CDKL5: variants seen among roughly 807,000 people sequenced by gnomAD.
The protein encoded by CDKL5 is cyclin dependent kinase like 5.
CDKL5 carries 8 observed loss-of-function variants against 61.7 expected under a neutral mutation model. That is an observed-to-expected ratio of 0.13 (90% CI 0.08 to 0.23). The LOEUF is 0.23. Ranked by LOEUF, CDKL5 falls within the 10% of genes least tolerant of loss-of-function variation. The probability of loss-of-function intolerance (pLI) is 1.00; values close to 1 mark genes in which losing one functional copy is unlikely to be tolerated. For missense variants in CDKL5, 440 were observed against 734.5 expected (o/e 0.60, Z 4.63); for synonymous variants, 275 against 272.3 (o/e 1.01, Z -0.10).
rs1569198514 is a variant in CDKL5, at chrX:18,509,240, CACACA to C, written c.65-1579_65-1575del. Among the ~76,000 whole-genome samples the C allele has an allele frequency of 6.7e-4, 72 of 107,546 alleles. No homozygotes were observed. The East Asian group carries it at 9.8e-3, about 15-fold the overall frequency. The allele number at this position is 107,546 out of a possible 115,157, so 93.4% of individuals were successfully genotyped here. On this transcript the variant is annotated intron_variant, in intron 2 of 17. Coordinates refer to ENST00000623535, the MANE Select transcript of CDKL5 (RefSeq NM_001323289.2). Reference sequence around the variant, plus strand: ...ACACACACACACACACACACACACACACACACCCCTGTCAAGCAAACTCTGCATTC... The same window carrying C: ...ACACACACACACACACACACACACACCCCCTGTCAAGCAAACTCTGCATTC...
At chrX:18,548,535 C>T (rs943740533) in intron 3 of CDKL5, among the ~76,000 whole-genome samples, 2 of 112,354 alleles carry the variant, frequency 1.8e-5, no homozygotes, top group African/African-American at 6.5e-5. Context: ...TTTCACTTTT[C>T]TCTGTAGATA....
chrX:18,556,456 A>G (rs1054231975), intron 3 of CDKL5, among the ~76,000 whole-genome samples: 18 of 111,185 alleles, frequency 1.6e-4, no homozygotes, highest in African/African-American at 5.6e-4. Flanking sequence ...CAGCTCTGCT[A>G]CATCTTAGCT....
intron 3 of CDKL5, among the ~76,000 whole-genome samples, chrX:18,526,953 T>C (rs985306680): frequency 1.8e-5 from 2 of 110,559 alleles, no homozygotes; most frequent in Admixed American, 1.9e-4. Context: ...CTGGCTAATT[T>C]TGTATTTTTA....
intron 1 of CDKL5, among the ~76,000 whole-genome samples, chrX:18,471,220 T>A (rs1006472083): frequency 9.0e-6 from 1 of 111,105 alleles, no homozygotes; most frequent in Non-Finnish European, 1.9e-5. Flanking sequence ...GGTATATATA[T>A]TTATGGGGTA....
intron 1 of CDKL5, among the ~76,000 whole-genome samples, chrX:18,499,664 C>T (rs1218595466): frequency 5.4e-5 from 6 of 111,990 alleles, no homozygotes; most frequent in Non-Finnish European, 1.1e-4. Context: ...CCACTGCACC[C>T]GGCCAGTCTG....
intron 3 of CDKL5, among the ~76,000 whole-genome samples, chrX:18,543,766 G>A (rs1301039219): frequency 9.0e-6 from 1 of 111,514 alleles, no homozygotes; most frequent in Non-Finnish European, 1.9e-5. Context: ...TCAAAGACCT[G>A]TGGAATCAAT....
chrX:18,486,739 C>G (rs1921806684), intron 1 of CDKL5, among the ~76,000 whole-genome samples: 1 of 111,572 alleles, frequency 9.0e-6, no homozygotes, highest in Non-Finnish European at 1.9e-5. Flanking sequence ...ATGATTGGTT[C>G]CCTTCAATCA....
At chrX:18,459,117 A>C (rs1460076651) in intron 1 of CDKL5, among the ~76,000 whole-genome samples, 4 of 112,760 alleles carry the variant, frequency 3.5e-5, no homozygotes, top group African/African-American at 1.3e-4. Flanking sequence ...ATACATGTGC[A>C]TAACAGGAAA....
chrX:18,606,174 T>TCTCA (rs1460888732), intron 12 of CDKL5, among the ~76,000 whole-genome samples: 4 of 96,873 alleles, frequency 4.1e-5, no homozygotes, highest in Admixed American at 1.1e-4. Context: ...AGCAAGACTG[T>TCTCA]CACACACACA....
intron 3 of CDKL5, among the ~76,000 whole-genome samples, chrX:18,532,015 T>G (rs947767953): frequency 8.9e-6 from 1 of 112,402 alleles, no homozygotes; most frequent in African/African-American, 3.2e-5. Flanking sequence ...CAGGGTTTTT[T>G]CTTAATGTAA....
chrX:18,425,653 A>G lies in CDKL5; in HGVS notation c.-205A>G, dbSNP rs1322554277. The G allele has an allele frequency of 8.9e-6, 1 of 112,422 alleles. No individual in the cohort carries two copies. Among genetic ancestry groups the G allele is most frequent in the African/African-American group, 3.2e-5 (1 of 30,962 alleles). The allele number at this position is 112,422 out of a possible 1,213,427, so 9.3% of individuals were successfully genotyped here. On this transcript the variant is annotated 5_prime_UTR_variant, in exon 1 of 18. Coordinates refer to ENST00000623535, the MANE Select transcript of CDKL5 (RefSeq NM_001323289.2). ...AAGGTAAAGCGGCGACGGCGTCCTC[A>G]GGAGCTGTGGGGTCCCCTGCTAGAA...
At chrX:18,558,520 A>G (rs937736179) in intron 3 of CDKL5, among the ~76,000 whole-genome samples, 1 of 111,846 alleles carries the variant, frequency 8.9e-6, no homozygotes, top group Admixed American at 9.5e-5. Flanking sequence ...TTAAATACCC[A>G]TGAAGTTCTG....
intron 3 of CDKL5, among the ~76,000 whole-genome samples, chrX:18,537,029 A>G (rs2147113300): frequency 9.2e-6 from 1 of 108,287 alleles, no homozygotes; most frequent in African/African-American, 3.4e-5. Flanking sequence ...TTTTCATCAG[A>G]AGCTTCTTCC....
intron 3 of CDKL5, among the ~76,000 whole-genome samples, chrX:18,554,659 G>A (rs1204986983): frequency 9.1e-6 from 1 of 110,338 alleles, no homozygotes; most frequent in Non-Finnish European, 1.9e-5. Flanking sequence ...CAGGTGATCC[G>A]TCCGCTTCGG....
chrX:18,523,529 A>G (rs1923327743), intron 3 of CDKL5, among the ~76,000 whole-genome samples: 1 of 112,055 alleles, frequency 8.9e-6, no homozygotes, highest in Non-Finnish European at 1.9e-5. Context: ...TGAAAACATC[A>G]TGTTCATTGT....
chrX:18,642,140 G>A (rs760857618), downstream of CDKL5: 15 of 1,209,886 alleles, frequency 1.2e-5, no homozygotes, highest in South Asian at 1.1e-4. Context: ...GGTGCGGTCC[G>A]AGTTGCCATA....
chrX:18,467,563 T>A (rs1188421564), intron 1 of CDKL5, among the ~76,000 whole-genome samples: 1 of 111,733 alleles, frequency 8.9e-6, no homozygotes, highest in Non-Finnish European at 1.9e-5. Flanking sequence ...ATTAGTAATT[T>A]GATGAGTTGC....
At chrX:18,497,532 T>C (rs1005900030) in intron 1 of CDKL5, among the ~76,000 whole-genome samples, 2 of 112,198 alleles carry the variant, frequency 1.8e-5, no homozygotes, top group African/African-American at 6.5e-5. Context: ...TGCAATGCTT[T>C]GTCTTTGATA....
intron 1 of CDKL5, among the ~76,000 whole-genome samples, chrX:18,431,545 T>C (rs1426225038): frequency 1.9e-5 from 2 of 107,010 alleles, no homozygotes; most frequent in Non-Finnish European, 3.9e-5. Flanking sequence ...CCTCAGCCTC[T>C]GGAGTAGCTG....
Sources: allele counts gnomAD v4.1 joint callset (sites outside exome capture counted in the v4.1 genomes callset), GRCh38; gene constraint gnomAD v4.1.1; transcripts MANE v1.5; gene names NCBI Gene and HGNC (gene_info 2026-07-23, HGNC 2026-07-21).